The following DNAJC11 variants were observed in gnomAD, a reference collection of about 807,000 sequenced individuals.
DNAJC11 encodes the protein DnaJ heat shock protein family (Hsp40) member C11, also known as dnaJ homolog subfamily C member 11.
Under a neutral mutation model 78.6 loss-of-function variants are expected in DNAJC11, and 15 were observed. That is an observed-to-expected ratio of 0.19 (90% confidence interval 0.13 to 0.29). The LOEUF is 0.29. Among genes scored for constraint, DNAJC11 ranks in the 10% least tolerant of loss-of-function variants. The probability of loss-of-function intolerance (pLI) is 1.00; values close to 1 mark genes in which losing one functional copy is unlikely to be tolerated. For synonymous variants in DNAJC11, 292 were observed against 272.1 expected (o/e 1.07, Z -0.72); for missense variants, 547 against 709.6 (o/e 0.77, Z 2.60).
At chr1:6,673,073 A>T (rs917046639) in intron 3 of DNAJC11, among the ~76,000 whole-genome samples, 1 of 151,780 alleles carries the variant, frequency 6.6e-6, no homozygotes, top group South Asian at 2.1e-4. Context: ...GCGGGCGCCC[A>T]TAATTCCAGC....
At chr1:6,660,990 T>C (rs1380746156) in intron 4 of DNAJC11, among the ~76,000 whole-genome samples, 1 of 152,236 alleles carries the variant, frequency 6.6e-6, no homozygotes. Context: ...TCTTTATTTT[T>C]TGGTTTCAAA....
intron 1 of DNAJC11, 59 bp from the exon 2 acceptor site, chr1:6,681,096 C>T: frequency 6.5e-7 from 1 of 1,534,966 alleles, no homozygotes; most frequent in Non-Finnish European, 8.8e-7. Flanking sequence ...TTATCATCAT[C>T]AGAATCAGCC....
intron 10 of DNAJC11, among the ~76,000 whole-genome samples, chr1:6,641,918 T>C (rs200448): frequency 0.52 from 79,542 of 151,802 alleles, 21,237 homozygotes; most frequent in Admixed American, 0.61. Flanking sequence ...GACTGGCTCG[T>C]TGGAGATTGA....
At chr1:6,671,969 G>A (rs534759232) in intron 3 of DNAJC11, among the ~76,000 whole-genome samples, 7 of 152,234 alleles carry the variant, frequency 4.6e-5, no homozygotes, top group South Asian at 2.1e-4. Flanking sequence ...CGAGTAGCTG[G>A]GATTACAGGC....
chr1:6,652,912 T>C lies in DNAJC11; in HGVS notation c.547A>G (p.Ser183Gly). Residue 183 changes from serine to glycine, a missense_variant, in exon 6 of 16, where the codon AGC (serine) becomes GGC (glycine). By Grantham distance (56) the Ser-to-Gly change is moderately conservative. Coordinates refer to ENST00000377577, the MANE Select transcript of DNAJC11 (RefSeq NM_018198.4). ...TATDTAILSG[S>G]LSTQNGNGGG... is the part of the protein sequence containing the mutation. ...CCATTTCCATTCTGGGTTGAGAGGC[T>C]TCCAGAGAGGATGGCTGTGTCTGTC... 6.2e-7 allele frequency: 1 copy of C among 1,614,168 alleles called. No homozygotes were observed. Among genetic ancestry groups the C allele is most frequent in the Non-Finnish European group, 8.5e-7 (1 of 1,180,038 alleles).
intron 3 of DNAJC11, among the ~76,000 whole-genome samples, chr1:6,673,190 C>T (rs1642407809): frequency 1.4e-5 from 1 of 72,834 alleles, no homozygotes; most frequent in South Asian, 7.0e-4. Context: ...AGCGAAACTC[C>T]ATCTCAAAAA....
intron 10 of DNAJC11, among the ~76,000 whole-genome samples, chr1:6,643,679 C>T (rs530588516): frequency 2.0e-5 from 3 of 152,000 alleles, no homozygotes; most frequent in East Asian, 1.9e-4. Context: ...AGGGATGAAC[C>T]GATATGGCAG....
At chr1:6,699,043 T>C (rs953882668) in intron 1 of DNAJC11, among the ~76,000 whole-genome samples, 2 of 151,580 alleles carry the variant, frequency 1.3e-5, no homozygotes, top group Non-Finnish European at 2.9e-5. Context: ...TGGTGGTTCA[T>C]GCCTGTAATC....
intron 12 of DNAJC11, chr1:6,637,940 TCAGA>T: frequency 2.6e-6 from 1 of 382,172 alleles, no homozygotes; most frequent in Non-Finnish European, 4.8e-6. Context: ...TGCCGCCCCC[TCAGA>T]CAGGCATGTG....
chr1:6,668,859 C>T (rs944937843), intron 3 of DNAJC11, among the ~76,000 whole-genome samples: 2 of 152,080 alleles, frequency 1.3e-5, no homozygotes, highest in Non-Finnish European at 2.9e-5. Flanking sequence ...CCTCATTAAA[C>T]TCGGGGACGC....
intron 4 of DNAJC11, among the ~76,000 whole-genome samples, chr1:6,666,414 T>C (rs1158544130): frequency 7.0e-6 from 1 of 142,686 alleles, no homozygotes; most frequent in African/African-American, 2.7e-5. Context: ...TGAGATGGAG[T>C]CTCACTCTGT....
At chr1:6,639,437 C>G (rs766578860) in intron 11 of DNAJC11, among the ~76,000 whole-genome samples, 13 of 151,530 alleles carry the variant, frequency 8.6e-5, no homozygotes, top group Non-Finnish European at 1.5e-5. Flanking sequence ...TCAAGCAATT[C>G]TCCTGTCTCA....
Position 6,680,190 on chromosome 1 carries a change from A to T in DNAJC11, c.202+718T>A, listed in dbSNP as rs1642531029. On this transcript the variant is annotated intron_variant, in intron 2 of 15. Coordinates refer to ENST00000377577, the MANE Select transcript of DNAJC11 (RefSeq NM_018198.4). This position sits in a 1 kb window ranked among gnomAD's most constrained non-coding sequence, Gnocchi z 4.0. ...ATAACAGTGATTTAACATTTTTTTT[A>T]ATTTAAATTTTAAAAATGGTGGTAA... Among the ~76,000 whole-genome samples, 1 of 152,108 alleles carries T rather than the reference A, an allele frequency of 6.6e-6. No individual in the cohort carries two copies. The highest frequency in any genetic ancestry group is 1.5e-5 in the Non-Finnish European group (1 of 68,012).
At chr1:6,658,322 T>C (rs1385484110) in intron 4 of DNAJC11, among the ~76,000 whole-genome samples, 4 of 152,222 alleles carry the variant, frequency 2.6e-5, no homozygotes, top group Non-Finnish European at 4.4e-5. Context: ...ATGAGACAAT[T>C]ACTAATAACA....
chr1:6,672,217 G>C lies in DNAJC11; in HGVS notation c.277-4407C>G, dbSNP rs192026236. Among the ~76,000 whole-genome samples the C allele has an allele frequency of 2.6e-4, 40 of 152,196 alleles. 1 individual carries two copies. Among genetic ancestry groups the C allele is most frequent in the African/African-American group, 9.6e-4 (40 of 41,526 alleles). On this transcript the variant is annotated intron_variant, in intron 3 of 15. Coordinates refer to ENST00000377577, the MANE Select transcript of DNAJC11 (RefSeq NM_018198.4). ...GCAGATTTTAATGAAAGTTTGATTC[G>C]CCATAACTTTAATCAGTGACATAAG...
At chr1:6,682,976 TC>T (rs1277272198) in intron 1 of DNAJC11, among the ~76,000 whole-genome samples, 2 of 152,120 alleles carry the variant, frequency 1.3e-5, no homozygotes, top group African/African-American at 4.8e-5. Flanking sequence ...ACAGAGAGCT[TC>T]CCGCTGGTTT....
At chr1:6,700,823 G>A (rs1172230085) in intron 1 of DNAJC11, among the ~76,000 whole-genome samples, 1 of 152,132 alleles carries the variant, frequency 6.6e-6, no homozygotes, top group African/African-American at 2.4e-5. Flanking sequence ...CCTGAGAGAT[G>A]GAATTAGGAA....
chr1:6,687,409 T>C (rs1054969432), intron 1 of DNAJC11, among the ~76,000 whole-genome samples: 4 of 143,094 alleles, frequency 2.8e-5, no homozygotes, highest in African/African-American at 1.0e-4. Context: ...CAGGCTGGAG[T>C]GCAGTGGCAT....
chr1:6,677,478 G>C (rs558632412), intron 3 of DNAJC11, among the ~76,000 whole-genome samples: 15 of 151,782 alleles, frequency 9.9e-5, no homozygotes, highest in African/African-American at 3.6e-4. Context: ...AAAATGTTTT[G>C]TAGAGACAGG....
Sources: gnomAD v4.1 joint callset for allele counts (sites outside exome capture counted in the v4.1 genomes callset) on GRCh38, gnomAD v4.1.1 for gene constraint, Gnocchi (gnomAD v3.1) non-coding constraint, MANE v1.5 for transcripts, NCBI Gene and HGNC (gene_info 2026-07-23, HGNC 2026-07-21) for gene names.